BBX: variants seen among roughly 807,000 people sequenced by gnomAD.
BBX encodes HMG box transcription factor BBX.
In BBX, 30 loss-of-function variants were observed where a neutral mutation model predicts 100.2. The ratio of observed to expected loss-of-function variants is 0.30; its 90% CI spans 0.22 to 0.41. The LOEUF is 0.41. BBX is among the 10% of genes least tolerant of loss of function. BBX has a pLI of 1.00. For missense variants in BBX, 1,023 were observed against 1,129.8 expected, an observed-to-expected ratio of 0.91 and a Z score of 1.35; for synonymous variants, 376 against 388.1, an observed-to-expected ratio of 0.97 and a Z score of 0.37.
chr3:107,697,341 G>A (rs2060689955), intron 3 of BBX, among the ~76,000 whole-genome samples: 1 of 151,728 alleles, frequency 6.6e-6, no homozygotes, highest in African/African-American at 2.4e-5. Flanking sequence ...ATCTACTTTT[G>A]GTCTTTGATG....
chr3:107,545,775 C>G (rs1559795696), intron 2 of BBX, among the ~76,000 whole-genome samples: 1 of 152,108 alleles, frequency 6.6e-6, no homozygotes, highest in East Asian at 1.9e-4. Context: ...CTCCCCTGGT[C>G]CAGTTTGGGT....
At chr3:107,583,307 C>T (rs1397493077) in intron 2 of BBX, among the ~76,000 whole-genome samples, 2 of 151,932 alleles carry the variant, frequency 1.3e-5, no homozygotes, top group Non-Finnish European at 2.9e-5. Flanking sequence ...ACTTGCAGAT[C>T]AGCTGCTCAA....
chr3:107,641,469 T>C (rs2057209055), intron 2 of BBX, among the ~76,000 whole-genome samples: 1 of 152,216 alleles, frequency 6.6e-6, no homozygotes, highest in Admixed American at 6.5e-5. Flanking sequence ...TCTGCTGTTA[T>C]AAAGGGCCCA....
chr3:107,665,919 T>G lies in BBX; in HGVS notation c.-10+20010T>G, dbSNP rs143497659. Among the ~76,000 whole-genome samples the G allele has an allele frequency of 8.5e-3, 1,294 of 152,300 alleles. 24 individuals are homozygous for G. The highest frequency in any genetic ancestry group is 0.03 in the African/African-American group (1,234 of 41,562). Reference sequence around the variant, plus strand: ...AGGCAAGTTGTTTCTTCCTTTCTATTGTGGTTCCTCTGCTTGGGACACCTC... The same window carrying G: ...AGGCAAGTTGTTTCTTCCTTTCTATGGTGGTTCCTCTGCTTGGGACACCTC... On this transcript the variant is annotated intron_variant, in intron 3 of 17. Coordinates refer to ENST00000325805, the MANE Select transcript of BBX (RefSeq NM_001142568.3).
At chr3:107,724,971 C>A (rs538203870) in intron 5 of BBX, among the ~76,000 whole-genome samples, 4 of 151,972 alleles carry the variant, frequency 2.6e-5, no homozygotes, top group Non-Finnish European at 5.9e-5. Context: ...TGATAGGGAT[C>A]GCATTGAATC....
At chr3:107,624,491 A>G (rs2056023786) in intron 2 of BBX, among the ~76,000 whole-genome samples, 1 of 152,354 alleles carries the variant, frequency 6.6e-6, no homozygotes, top group Middle Eastern at 3.4e-3. Context: ...AGGGCGTAAT[A>G]AAAGTATTAG....
rs577041306 is a variant in BBX, at chr3:107,702,191, G to T, written c.-9-8261G>T. Among the ~76,000 whole-genome samples the T allele has an allele frequency of 7.2e-5, 11 of 152,324 alleles. No homozygotes were observed. In the South Asian group the frequency reaches 1.0e-3, roughly 14 times the overall value. The stretch of plus-strand genomic sequence containing the variant: ...AGTTTAGAGTTAGGGTTTATTACTG[G>T]ACCATTTGTGAAACTATAAGAGAGC... On this transcript the variant is annotated intron_variant, in intron 3 of 17. Transcript: ENST00000325805.
intron 13 of BBX, among the ~76,000 whole-genome samples, chr3:107,788,174 G>A (rs1283898184): frequency 6.6e-6 from 1 of 152,074 alleles, no homozygotes; most frequent in African/African-American, 2.4e-5. Flanking sequence ...ATCACCAGAT[G>A]AGTGAGAATA....
intron 3 of BBX, among the ~76,000 whole-genome samples, chr3:107,669,101 CGATGATGATGAT>C (rs752279294): frequency 1.1e-4 from 16 of 151,576 alleles, no homozygotes; most frequent in South Asian, 4.2e-4. Context: ...AAGAGGCTAG[CGATGATGATGAT>C]GATGATGATG....
intron 2 of BBX, among the ~76,000 whole-genome samples, chr3:107,585,192 T>C (rs145989255): frequency 1.3e-5 from 2 of 152,098 alleles, no homozygotes; most frequent in Admixed American, 6.5e-5. Flanking sequence ...CATTTAGCAA[T>C]GTGTAGGCCA....
Position 107,773,744 on chromosome 3 carries a change from A to T in BBX, c.1915+108A>T. On this transcript the variant is annotated intron_variant, in intron 11 of 17. Coordinates refer to ENST00000325805, the MANE Select transcript of BBX (RefSeq NM_001142568.3). The surrounding 1 kb of genome is among the most constrained non-coding windows in gnomAD (Gnocchi z 4.1). Reference sequence around the variant, plus strand: ...AAAAACAATATGGTATCAAAATAATACCTTACATTTGTATATTTCTTTATG... The same window carrying T: ...AAAAACAATATGGTATCAAAATAATTCCTTACATTTGTATATTTCTTTATG... The T allele has an allele frequency of 3.2e-6, 3 of 948,732 alleles. No homozygotes were observed. Among genetic ancestry groups the T allele is most frequent in the Non-Finnish European group, 4.6e-6 (3 of 647,594 alleles). 58.8% of individuals were successfully genotyped at this position (948,732 alleles called of 1,614,324 possible).
At chr3:107,647,698 A>G (rs557146185) in intron 3 of BBX, among the ~76,000 whole-genome samples, 62 of 152,338 alleles carry the variant, frequency 4.1e-4, no homozygotes, top group African/African-American at 1.4e-3. Context: ...GAAACATATC[A>G]GTCAACTTAG....
At chr3:107,581,343 T>C (rs545159482) in intron 2 of BBX, among the ~76,000 whole-genome samples, 1 of 152,152 alleles carries the variant, frequency 6.6e-6, no homozygotes, top group South Asian at 2.1e-4. Flanking sequence ...GAAATGGCCT[T>C]TTCCCATCTC....
chr3:107,742,047 A>G (rs2064152344), intron 7 of BBX, among the ~76,000 whole-genome samples: 1 of 152,188 alleles, frequency 6.6e-6, no homozygotes, highest in Non-Finnish European at 1.5e-5. Context: ...TCTAACCTGT[A>G]TCACACAGAT....
At chr3:107,552,864 G>A (rs1030544071) in intron 2 of BBX, among the ~76,000 whole-genome samples, 5 of 152,124 alleles carry the variant, frequency 3.3e-5, no homozygotes, top group African/African-American at 9.7e-5. Flanking sequence ...AAGGAGATAC[G>A]CAATCTCTAA....
At chr3:107,593,549 A>G (rs2053478657) in intron 2 of BBX, among the ~76,000 whole-genome samples, 1 of 152,214 alleles carries the variant, frequency 6.6e-6, no homozygotes, top group Non-Finnish European at 1.5e-5. Context: ...AACACAGCAT[A>G]CTAGGTGCTG....
At chr3:107,780,196 C>G (rs1046756503) in intron 13 of BBX, among the ~76,000 whole-genome samples, 8 of 151,898 alleles carry the variant, frequency 5.3e-5, no homozygotes, top group Non-Finnish European at 2.9e-5. Context: ...ATCTTGAGCT[C>G]CCATAATTCT....
chr3:107,709,479 G>A (rs1051324413), intron 3 of BBX, among the ~76,000 whole-genome samples: 3 of 152,178 alleles, frequency 2.0e-5, no homozygotes, highest in East Asian at 3.8e-4. Flanking sequence ...CTGCTACCTG[G>A]TAATTTTAGC....
At chr3:107,728,562 A>G (rs1458130158) in intron 5 of BBX, among the ~76,000 whole-genome samples, 1 of 152,192 alleles carries the variant, frequency 6.6e-6, no homozygotes, top group Non-Finnish European at 1.5e-5. Flanking sequence ...CTGAATCCTT[A>G]TCCCACAAAT....
Sources: gnomAD v4.1 joint callset for allele counts (sites outside exome capture counted in the v4.1 genomes callset) on GRCh38, gnomAD v4.1.1 for gene constraint, Gnocchi (gnomAD v3.1) non-coding constraint, MANE v1.5 for transcripts, NCBI Gene and HGNC (gene_info 2026-07-23, HGNC 2026-07-21) for gene names.